TAFA2: variants seen among roughly 807,000 people sequenced by gnomAD.
TAFA2 encodes the protein chemokine-like protein TAFA-2.
A neutral mutation model predicts 18.8 loss-of-function variants in TAFA2; 7 were observed. That is an observed-to-expected ratio of 0.37 (90% CI 0.21 to 0.70). The LOEUF is 0.70. Ranked by LOEUF, TAFA2 falls within the 30% of genes least tolerant of loss-of-function variation. The pLI, the probability that TAFA2 is intolerant of heterozygous loss-of-function variation, is 0.53. For missense variants in TAFA2, 122 were observed against 158.1 expected, an observed-to-expected ratio of 0.77 and a Z score of 1.23; for synonymous variants, 60 against 54.2, an observed-to-expected ratio of 1.11 and a Z score of -0.47.
At chr12:61,866,806 G>A (rs1216647532) in intron 2 of TAFA2, among the ~76,000 whole-genome samples, 1 of 151,996 alleles carries the variant, frequency 6.6e-6, no homozygotes, top group Non-Finnish European at 1.5e-5. Flanking sequence ...ATATTATTGA[G>A]ATACATATCA....
intron 1 of TAFA2, among the ~76,000 whole-genome samples, chr12:62,107,888 T>G (rs967275907): frequency 1.3e-5 from 2 of 152,108 alleles, no homozygotes; most frequent in African/African-American, 4.8e-5. Flanking sequence ...TTTCCTATTT[T>G]GCTTAATATG....
At chr12:61,867,169 G>A (rs1874389735) in intron 2 of TAFA2, 151 bp downstream of exon 2, 3 of 574,288 alleles carry the variant, frequency 5.2e-6, no homozygotes, top group Non-Finnish European at 9.2e-6. Flanking sequence ...CCATCTTAAA[G>A]ATAACACTGC....
chr12:62,064,873 C>T (rs888163392), intron 1 of TAFA2, among the ~76,000 whole-genome samples: 1 of 152,116 alleles, frequency 6.6e-6, no homozygotes, highest in South Asian at 2.1e-4. Flanking sequence ...AGGAATACCA[C>T]TAACAATCTT....
chr12:61,717,343 A>G (rs1343143789), intron 4 of TAFA2, among the ~76,000 whole-genome samples: 2 of 152,210 alleles, frequency 1.3e-5, no homozygotes, highest in African/African-American at 4.8e-5. Flanking sequence ...GCACTATAAG[A>G]CAATGACATA....
At chr12:61,810,776 C>G (rs1290765004) in intron 2 of TAFA2, among the ~76,000 whole-genome samples, 8 of 150,984 alleles carry the variant, frequency 5.3e-5, no homozygotes, top group Non-Finnish European at 1.2e-4. Flanking sequence ...GCTGTACAAT[C>G]CTCAGTGATC....
At chr12:61,773,709 T>C (rs909191196) in intron 2 of TAFA2, among the ~76,000 whole-genome samples, 1 of 152,016 alleles carries the variant, frequency 6.6e-6, no homozygotes, top group African/African-American at 2.4e-5. Context: ...TAACTCAAGA[T>C]GAGTCAAAGA....
intron 1 of TAFA2, among the ~76,000 whole-genome samples, chr12:62,043,945 C>T (rs1298451319): frequency 6.6e-6 from 1 of 152,098 alleles, no homozygotes; most frequent in African/African-American, 2.4e-5. Flanking sequence ...AGAAAAGTTA[C>T]AAGTGGCACT....
intron 1 of TAFA2, among the ~76,000 whole-genome samples, chr12:62,032,616 C>T (rs767885355): frequency 2.6e-5 from 4 of 152,000 alleles, no homozygotes; most frequent in Non-Finnish European, 5.9e-5. Flanking sequence ...GTTTAAGTTC[C>T]ATAGGAATAC....
intron 1 of TAFA2, among the ~76,000 whole-genome samples, chr12:61,918,115 TA>T (rs1876904622): frequency 1.3e-5 from 2 of 152,078 alleles, no homozygotes; most frequent in Admixed American, 1.3e-4. Flanking sequence ...CACATGAGGG[TA>T]AACAGGACAT....
chr12:61,776,165 C>G, intron 2 of TAFA2: 1 of 337,050 alleles, frequency 3.0e-6, no homozygotes, highest in Non-Finnish European at 5.8e-6. Flanking sequence ...AATTTAAGGG[C>G]ATGATTCTTG....
rs75703645 is a variant in TAFA2, at chr12:61,804,550, G to T, written c.107-49526C>A. 3.6e-3 allele frequency among the ~76,000 whole-genome samples: 554 copies of T among 152,102 alleles called. 20 individuals carry two copies. In the East Asian group the frequency reaches 0.093, roughly 25 times the overall value. On this transcript the variant is annotated intron_variant, in intron 2 of 4. Coordinates refer to ENST00000416284, the MANE Select transcript of TAFA2 (RefSeq NM_178539.5). Reference sequence around the variant, plus strand: ...TAGGTAAAGTTCAAAGCAGACAATTGAGTTAGGAACTTCATTTTGTATTAC... The same window carrying T: ...TAGGTAAAGTTCAAAGCAGACAATTTAGTTAGGAACTTCATTTTGTATTAC...
intron 1 of TAFA2, among the ~76,000 whole-genome samples, chr12:62,098,727 T>C (rs1869056351): frequency 6.6e-6 from 1 of 152,134 alleles, no homozygotes; most frequent in Non-Finnish European, 1.5e-5. Flanking sequence ...CTCAAATCCT[T>C]AAGAATTATC....
intron 1 of TAFA2, among the ~76,000 whole-genome samples, chr12:62,038,633 C>G (rs1456559276): frequency 6.6e-6 from 1 of 151,908 alleles, no homozygotes; most frequent in Non-Finnish European, 1.5e-5. Flanking sequence ...CCCACAGATA[C>G]CAAGAGACGA....
intron 1 of TAFA2, among the ~76,000 whole-genome samples, chr12:62,166,737 T>C (rs994526033): frequency 3.3e-5 from 5 of 152,086 alleles, no homozygotes; most frequent in Non-Finnish European, 2.9e-5. Flanking sequence ...AGTCACAAGT[T>C]CCACATAGTT....
At chr12:61,882,113 C>T (rs899295739) in intron 1 of TAFA2, among the ~76,000 whole-genome samples, 4 of 152,050 alleles carry the variant, frequency 2.6e-5, no homozygotes, top group Non-Finnish European at 4.4e-5. Flanking sequence ...TGTACTAATC[C>T]AACTTAAAAA....
At chr12:62,139,001 A>T (rs1159219451) in intron 1 of TAFA2, among the ~76,000 whole-genome samples, 2 of 152,124 alleles carry the variant, frequency 1.3e-5, no homozygotes, top group African/African-American at 4.8e-5. Context: ...TTTTCCATGG[A>T]GTAATTAGAT....
intron 1 of TAFA2, among the ~76,000 whole-genome samples, chr12:61,970,048 G>A (rs1279032242): frequency 6.6e-6 from 1 of 151,650 alleles, no homozygotes; most frequent in South Asian, 2.1e-4. Flanking sequence ...TTTGGACCCT[G>A]CCATTTCAAC....
intron 1 of TAFA2, among the ~76,000 whole-genome samples, chr12:62,255,964 T>C (rs2062936375): frequency 6.6e-6 from 1 of 151,746 alleles, no homozygotes; most frequent in Admixed American, 6.6e-5. Context: ...TAGTACACTT[T>C]ATGTACTTCT....
chr12:61,932,402 A>C (rs894571629), intron 1 of TAFA2, among the ~76,000 whole-genome samples: 1 of 152,140 alleles, frequency 6.6e-6, no homozygotes, highest in African/African-American at 2.4e-5. Flanking sequence ...GTGAAAAGTG[A>C]AAAGTGGAAG....
Sources: gnomAD v4.1 joint callset for allele counts (sites outside exome capture counted in the v4.1 genomes callset) on GRCh38, gnomAD v4.1.1 for gene constraint, MANE v1.5 for transcripts, NCBI Gene and HGNC (gene_info 2026-07-23, HGNC 2026-07-21) for gene names.